The following CADM2 variants were observed in gnomAD, a reference collection of about 807,000 sequenced individuals.
The protein encoded by CADM2 is immunoglobulin superfamily member 4D.
In CADM2, 12 loss-of-function variants were observed where a neutral mutation model predicts 49.8. The ratio of observed to expected loss-of-function variants is 0.24; its 90% confidence interval spans 0.15 to 0.39. CADM2 has a LOEUF of 0.39. Among genes scored for constraint, CADM2 ranks in the 10% least tolerant of loss-of-function variants. The pLI is 1.00. For missense variants in CADM2, 378 were observed against 492.3 expected (o/e 0.77, Z 2.20); for synonymous variants, 214 against 175.4 (o/e 1.22, Z -1.74).
intron 1 of CADM2, among the ~76,000 whole-genome samples, chr3:85,032,618 C>T (rs1055613199): frequency 6.6e-6 from 1 of 152,050 alleles, no homozygotes; most frequent in Non-Finnish European, 1.5e-5. Context: ...GAAATATTTA[C>T]CTGTCTCTCC....
At chr3:85,149,454 C>T (rs1457566653) in intron 1 of CADM2, among the ~76,000 whole-genome samples, 6 of 152,162 alleles carry the variant, frequency 3.9e-5, no homozygotes, top group African/African-American at 1.4e-4. Context: ...GAGCCGGGCA[C>T]GGTTGCTCAC....
At chr3:85,069,954 C>T (rs2036661290) in intron 1 of CADM2, among the ~76,000 whole-genome samples, 1 of 152,040 alleles carries the variant, frequency 6.6e-6, no homozygotes, top group Non-Finnish European at 1.5e-5. Flanking sequence ...TTTTGGGGCA[C>T]TTTTTGGCCA....
intron 1 of CADM2, among the ~76,000 whole-genome samples, chr3:85,660,370 C>A (rs1218858112): frequency 1.3e-5 from 2 of 151,206 alleles, no homozygotes; most frequent in African/African-American, 4.9e-5. Flanking sequence ...AGTCTACAAC[C>A]TTTTAGACTT....
intron 1 of CADM2, among the ~76,000 whole-genome samples, chr3:85,651,997 T>TTTTTTTTTTA (rs372706216): frequency 6.7e-6 from 1 of 149,092 alleles, no homozygotes; most frequent in Non-Finnish European, 1.5e-5. Flanking sequence ...TTTTTTTTTT[T>TTTTTTTTTTA]AATTAGAGAC....
chr3:85,040,703 C>T (rs1240646040), intron 1 of CADM2, among the ~76,000 whole-genome samples: 1 of 152,188 alleles, frequency 6.6e-6, no homozygotes. Context: ...AACACAAGCA[C>T]AGTCCTGAAA....
intron 1 of CADM2, among the ~76,000 whole-genome samples, chr3:85,595,645 G>C (rs1370459372): frequency 6.6e-6 from 1 of 151,952 alleles, no homozygotes; most frequent in Non-Finnish European, 1.5e-5. Flanking sequence ...TAATTGTCCA[G>C]TGTAGTAGAA....
chr3:85,563,423 A>T (rs921310694), intron 1 of CADM2, among the ~76,000 whole-genome samples: 2 of 140,892 alleles, frequency 1.4e-5, no homozygotes, highest in Admixed American at 7.5e-5. Context: ...GGGGGGTGGT[A>T]ATTTAGCTAA....
intron 1 of CADM2, among the ~76,000 whole-genome samples, chr3:85,471,368 C>G (rs1345912395): frequency 6.6e-6 from 1 of 152,138 alleles, no homozygotes; most frequent in East Asian, 1.9e-4. Context: ...TCCTTTACTT[C>G]TGCTCAATTC....
chr3:85,073,411 AT>A (rs1402889057), intron 1 of CADM2, among the ~76,000 whole-genome samples: 1 of 152,180 alleles, frequency 6.6e-6, no homozygotes, highest in East Asian at 1.9e-4. Context: ...TACATACAGT[AT>A]ACATCTATGT....
At chr3:85,854,321 C>T (rs1290167877) in intron 3 of CADM2, among the ~76,000 whole-genome samples, 1 of 152,166 alleles carries the variant, frequency 6.6e-6, no homozygotes, top group South Asian at 2.1e-4. Flanking sequence ...TATAAAGACA[C>T]ATGCACTCGT....
intron 1 of CADM2, among the ~76,000 whole-genome samples, chr3:85,474,540 C>A (rs2107615217): frequency 6.6e-6 from 1 of 151,914 alleles, no homozygotes; most frequent in Admixed American, 6.6e-5. Flanking sequence ...ATGGTGCAGC[C>A]AAGTTGACAC....
At chr3:85,488,952 G>A (rs1037846194) in intron 1 of CADM2, among the ~76,000 whole-genome samples, 2 of 152,004 alleles carry the variant, frequency 1.3e-5, no homozygotes, top group African/African-American at 4.8e-5. Flanking sequence ...TAACTAAAAT[G>A]TTTTCCTATG....
chr3:85,603,315 C>T (rs1049914019), intron 1 of CADM2, among the ~76,000 whole-genome samples: 3 of 151,846 alleles, frequency 2.0e-5, no homozygotes, highest in Non-Finnish European at 4.4e-5. Context: ...AGAAGGGATA[C>T]AGTTGGTAGT....
At chr3:85,834,224 A>G (rs1181004190) in intron 3 of CADM2, among the ~76,000 whole-genome samples, 1 of 151,596 alleles carries the variant, frequency 6.6e-6, no homozygotes, top group Non-Finnish European at 1.5e-5. Flanking sequence ...AAATTATTAT[A>G]CTCTTATGGT....
Position 86,070,559 on chromosome 3 carries a change from A to C in CADM2, c.*3776A>C, listed in dbSNP as rs981606810. 6.6e-6 allele frequency: 1 copy of C among 151,872 alleles called. No individual in the cohort carries two copies. Among genetic ancestry groups the C allele is most frequent in the African/African-American group, 2.4e-5 (1 of 41,398 alleles). The allele number at this position is 151,872 out of a possible 1,614,324, so 9.4% of individuals were successfully genotyped here. A position where few individuals can be genotyped will look rare whatever the true frequency, so the allele number is the denominator to read the frequency against. ...CCACAACTTTCCCATGGTATTGCTA[A>C]TTACTTAGAGTCTCTAAAATTGCCC... On this transcript the variant is annotated 3_prime_UTR_variant, in exon 10 of 10. Transcript: ENST00000383699.
At chr3:85,194,721 C>G (rs143416515) in intron 1 of CADM2, among the ~76,000 whole-genome samples, 6 of 152,032 alleles carry the variant, frequency 3.9e-5, no homozygotes, top group Non-Finnish European at 8.8e-5. Flanking sequence ...TTAGAACCAC[C>G]ATACTTGCTA....
chr3:85,918,679 C>G (rs898303492), intron 6 of CADM2, among the ~76,000 whole-genome samples: 3 of 151,982 alleles, frequency 2.0e-5, no homozygotes, highest in African/African-American at 7.3e-5. Flanking sequence ...TTAAGAAAAT[C>G]AAAAGCAGAA....
chr3:84,987,213 C>A (rs1173806725), intron 1 of CADM2, among the ~76,000 whole-genome samples: 1 of 151,842 alleles, frequency 6.6e-6, no homozygotes, highest in East Asian at 2.0e-4. Flanking sequence ...GGCGCGATCT[C>A]GGCTCACTGA....
intron 8 of CADM2, among the ~76,000 whole-genome samples, chr3:86,002,563 C>T (rs1348472228): frequency 2.0e-5 from 3 of 152,128 alleles, no homozygotes; most frequent in Admixed American, 2.0e-4. Context: ...TTTAGTTTCT[C>T]TTCAAGTCTG....
Sources: gnomAD v4.1 joint callset for allele counts (sites outside exome capture counted in the v4.1 genomes callset) on GRCh38, gnomAD v4.1.1 for gene constraint, MANE v1.5 for transcripts, NCBI Gene and HGNC (gene_info 2026-07-23, HGNC 2026-07-21) for gene names.